Variants in CSRNP3 observed in about 807,000 individuals in gnomAD.
The protein encoded by CSRNP3 is cysteine/serine-rich nuclear protein 3.
CSRNP3 carries 12 observed loss-of-function variants against 48.0 expected under a neutral mutation model. That is an observed-to-expected ratio of 0.25 (90% CI 0.16 to 0.41). The LOEUF is 0.41. CSRNP3 is among the 10% of genes least tolerant of loss of function. The pLI is 1.00. For missense variants in CSRNP3, 580 were observed against 724.4 expected, an observed-to-expected ratio of 0.80 and a Z score of 2.29; for synonymous variants, 263 against 269.7, an observed-to-expected ratio of 0.98 and a Z score of 0.24.
At chr2:165,622,133 G>T (rs1337860612) in intron 4 of CSRNP3, among the ~76,000 whole-genome samples, 3 of 152,008 alleles carry the variant, frequency 2.0e-5, no homozygotes, top group African/African-American at 7.2e-5. Context: ...ATTTGGAAAA[G>T]AGTATCTCTA....
intron 3 of CSRNP3, among the ~76,000 whole-genome samples, chr2:165,588,197 A>T (rs1401627222): frequency 6.6e-6 from 1 of 152,246 alleles, no homozygotes; most frequent in African/African-American, 2.4e-5. Flanking sequence ...ACAGAGAGAA[A>T]TTGCAAGTTG....
At chr2:165,519,745 G>A (rs1186286418) in intron 3 of CSRNP3, among the ~76,000 whole-genome samples, 4 of 152,178 alleles carry the variant, frequency 2.6e-5, no homozygotes, top group Admixed American at 2.0e-4. Context: ...TCTTGCCTGA[G>A]TGGAAATTAC....
At chr2:165,480,312 T>C (rs1684023225) in intron 1 of CSRNP3, among the ~76,000 whole-genome samples, 1 of 152,212 alleles carries the variant, frequency 6.6e-6, no homozygotes, top group Non-Finnish European at 1.5e-5. Context: ...AAAATCCTTT[T>C]TGCTATGTAA....
chr2:165,488,023 C>G (rs1283479725), intron 1 of CSRNP3, among the ~76,000 whole-genome samples: 1 of 118,846 alleles, frequency 8.4e-6, no homozygotes, highest in Non-Finnish European at 1.7e-5. Flanking sequence ...GAGTCAAGAC[C>G]CATCAGTGTG....
chr2:165,535,890 A>C (rs569146273), intron 3 of CSRNP3, among the ~76,000 whole-genome samples: 2 of 151,890 alleles, frequency 1.3e-5, no homozygotes, highest in African/African-American at 4.8e-5. Context: ...TTAATGCCAT[A>C]TTTAGTCATT....
intron 3 of CSRNP3, among the ~76,000 whole-genome samples, chr2:165,548,114 C>T (rs1381574571): frequency 1.3e-5 from 2 of 152,070 alleles, no homozygotes; most frequent in East Asian, 3.8e-4. Flanking sequence ...TTGTGGTTTG[C>T]TAAATTCCTT....
At chr2:165,510,204 C>T (rs1216123069) in intron 2 of CSRNP3, among the ~76,000 whole-genome samples, 2 of 151,996 alleles carry the variant, frequency 1.3e-5, no homozygotes, top group African/African-American at 4.8e-5. Flanking sequence ...AAATAACTAA[C>T]CCAACCCAGG....
At chr2:165,509,917 T>C (rs1239554329) in intron 2 of CSRNP3, among the ~76,000 whole-genome samples, 1 of 152,322 alleles carries the variant, frequency 6.6e-6, no homozygotes, top group African/African-American at 2.4e-5. Flanking sequence ...TTTTTTATTA[T>C]CCTGATTTTT....
chr2:165,560,023 T>C (rs149243655), intron 3 of CSRNP3, among the ~76,000 whole-genome samples: 144 of 152,080 alleles, frequency 9.5e-4, no homozygotes, highest in Non-Finnish European at 1.7e-3. Context: ...ATGGTCTCGA[T>C]CTCCTGACCT....
At chr2:165,485,096 C>T (rs1684094740) in intron 1 of CSRNP3, among the ~76,000 whole-genome samples, 1 of 152,098 alleles carries the variant, frequency 6.6e-6, no homozygotes, top group East Asian at 1.9e-4. Context: ...TCTCACAGTT[C>T]TGGAGGGTGG....
intron 3 of CSRNP3, among the ~76,000 whole-genome samples, chr2:165,579,128 A>G (rs1385991793): frequency 6.6e-6 from 1 of 152,206 alleles, no homozygotes; most frequent in East Asian, 1.9e-4. Context: ...TTATAGTTAC[A>G]GAAAATCCTC....
chr2:165,510,534 C>T (rs1283636390), intron 2 of CSRNP3, among the ~76,000 whole-genome samples: 1 of 152,098 alleles, frequency 6.6e-6, no homozygotes, highest in Non-Finnish European at 1.5e-5. Flanking sequence ...CTGGTATTTA[C>T]ACAATGTTTC....
intron 5 of CSRNP3, among the ~76,000 whole-genome samples, chr2:165,668,610 C>T (rs1687276137): frequency 6.6e-6 from 1 of 151,970 alleles, no homozygotes. Flanking sequence ...CCATGTTGGC[C>T]AGTCTGGTCT....
rs1687679613 is a variant in CSRNP3 at position 165,689,263 on chromosome 2, T to G, written c.*9510T>G. 6.6e-6 allele frequency: 1 copy of G among 152,158 alleles called. No individual in the cohort carries two copies. The highest frequency in any genetic ancestry group is 2.4e-5 in the African/African-American group (1 of 41,444). 9.4% of individuals were successfully genotyped at this position (152,158 alleles called of 1,614,324 possible). The stretch of plus-strand genomic sequence containing the variant: ...GTGGCTTTTTATTGCAGTGTGTATA[T>G]ATATATAACAAATAAGCATTTTTAA... On this transcript the variant is annotated 3_prime_UTR_variant, in exon 7 of 7. Transcript: ENST00000651982.
At chr2:165,656,926 T>C (rs775612124) in intron 4 of CSRNP3, among the ~76,000 whole-genome samples, 6 of 152,224 alleles carry the variant, frequency 3.9e-5, no homozygotes, top group Non-Finnish European at 7.3e-5. Context: ...TGAGAAATTA[T>C]AGTTGTCCCT....
chr2:165,667,380 G>T (rs1687253017), intron 5 of CSRNP3, among the ~76,000 whole-genome samples: 1 of 151,994 alleles, frequency 6.6e-6, no homozygotes, highest in African/African-American at 2.4e-5. Flanking sequence ...GCTCTTTTTT[G>T]TCACATGTAC....
In CSRNP3 at chr2:165,679,223, C is replaced by G; in HGVS notation, c.1228C>G (p.Leu410Val). ...CGAAGTTGTCCCTCTTCCTTCAGTT[C>G]TTTGTTATTCTGATGGCACCGCCGT... ...HAEVVPLPSV[L>V]CYSDGTAVHE... Residue 410 changes from leucine to valine, a missense_variant, in exon 7 of 7, where the codon CTT becomes GTT. By Grantham distance (32) the Leu-to-Val change is conservative. Around this residue, in one of 4 missense-constraint regions of CSRNP3, gnomAD observed 369 missense variants for 380.8 expected, o/e 0.97. Transcript: ENST00000651982. 8 of 1,613,926 alleles carry G rather than the reference C, an allele frequency of 5.0e-6. No individual in the cohort carries two copies. The highest frequency in any genetic ancestry group is 6.8e-6 in the Non-Finnish European group (8 of 1,179,968).
At chr2:165,658,747 G>A (rs182924796) in intron 5 of CSRNP3, among the ~76,000 whole-genome samples, 2 of 152,230 alleles carry the variant, frequency 1.3e-5, no homozygotes, top group East Asian at 3.9e-4. Flanking sequence ...AGTGAAAAAG[G>A]AAACTCCTTA....
intron 2 of CSRNP3, among the ~76,000 whole-genome samples, chr2:165,504,799 C>A (rs986346813): frequency 1.1e-4 from 17 of 152,144 alleles, no homozygotes; most frequent in African/African-American, 3.4e-4. Flanking sequence ...AAATTCTTTA[C>A]ATATCTCAAG....
Sources: gnomAD v4.1 joint callset for allele counts (sites outside exome capture counted in the v4.1 genomes callset) on GRCh38, gnomAD v4.1.1 for gene constraint, gnomAD v4.1.1 regional missense constraint, MANE v1.5 for transcripts, NCBI Gene and HGNC (gene_info 2026-07-23, HGNC 2026-07-21) for gene names.